Variants in TULP1 observed in about 807,000 individuals in gnomAD.
TULP1 encodes tubby-related protein 1.
Under a neutral mutation model 67.1 loss-of-function variants are expected in TULP1, and 50 were observed. That is an observed-to-expected ratio of 0.75 (90% confidence interval 0.59 to 0.94). The LOEUF (loss-of-function observed/expected upper bound fraction) is 0.94. Among genes scored for constraint, TULP1 ranks in the 40% least tolerant of loss-of-function variants. The probability of loss-of-function intolerance (pLI) is 0.00; values close to 1 mark genes in which losing one functional copy is unlikely to be tolerated. For missense variants in TULP1, 746 were observed against 734.1 expected (o/e 1.02, Z -0.19); for synonymous variants, 297 against 294.0 (o/e 1.01, Z -0.11).
intron 9 of TULP1, 49 bp downstream of exon 9, chr6:35,506,223 TCC>T (rs1761085353): frequency 2.5e-6 from 4 of 1,608,472 alleles, no homozygotes; most frequent in Non-Finnish European, 8.5e-7. Flanking sequence ...GCTCCCCCGC[TCC>T]CAGCAGGTCC....
intron 5 of TULP1, among the ~76,000 whole-genome samples, 195 bp from the exon 6 acceptor site, chr6:35,510,123 G>A (rs955023938): frequency 1.1e-4 from 17 of 151,392 alleles, no homozygotes; most frequent in Non-Finnish European, 1.6e-4. Flanking sequence ...GCAGGATCTC[G>A]GCTCACTGCA....
At chr6:35,510,778 T>A in intron 5 of TULP1, 83 bp downstream of exon 5, 1 of 1,606,158 alleles carries the variant, frequency 6.2e-7, no homozygotes, top group Non-Finnish European at 8.5e-7. Flanking sequence ...CCTCAATCGC[T>A]GTGTCTCAGT....
chr6:35,501,175 TCA>T (rs375852823), intron 13 of TULP1, among the ~76,000 whole-genome samples: 2 of 150,840 alleles, frequency 1.3e-5, no homozygotes, highest in Non-Finnish European at 3.0e-5. Flanking sequence ...CATCTTAAAC[TCA>T]CACACACACA....
intron 13 of TULP1, among the ~76,000 whole-genome samples, chr6:35,500,983 G>A (rs1760944407): frequency 6.8e-6 from 1 of 146,918 alleles, no homozygotes; most frequent in Non-Finnish European, 1.5e-5. Context: ...CTTTCCAGCA[G>A]GGAAGGATGT....
rs771723580 is a variant in TULP1, at chr6:35,509,302, TTTGG to T, written c.725_728del (p.Pro242GlnfsTer16). On this transcript the variant is annotated frameshift_variant, in exon 8 of 15. Coordinates refer to ENST00000229771, the MANE Select transcript of TULP1 (RefSeq NM_003322.6). LOFTEE classifies it high-confidence loss of function. ...CCTCTTCTTCCTCCTTCCTCGCGCC[TTTGG>T]GAGTGCCTGAGCGTGGAGGGGGAAA... 3.7e-6 allele frequency: 6 copies of T among 1,613,882 alleles called. No homozygotes were observed. The highest frequency in any genetic ancestry group is 5.1e-6 in the Non-Finnish European group (6 of 1,179,958).
intron 13 of TULP1, among the ~76,000 whole-genome samples, chr6:35,502,458 C>G (rs565397183): frequency 6.7e-6 from 1 of 150,214 alleles, no homozygotes; most frequent in East Asian, 2.0e-4. Flanking sequence ...TCCCAAAATG[C>G]TGGGGTCACA....
rs763272975 is a variant in TULP1, at chr6:35,505,806, A to C, written c.1047T>G (p.Asn349Lys). 8 of 1,614,026 alleles carry C rather than the reference A, an allele frequency of 5.0e-6. No homozygotes were observed. The South Asian group carries it at 8.8e-5, about 18-fold the overall frequency. The stretch of plus-strand genomic sequence containing the variant: ...TGGTAGGGTCGATGGAGATGAGGTA[A>C]TTGGCTGTCTTGCTCCGTTTTCGTT... The part of the protein sequence containing the change: ...GRKRKRSKTA[N>K]YLISIDPTNL... Residue 349 changes from asparagine (N) to lysine (K), a missense_variant, in exon 11 of 15, where the codon AAT becomes AAG. Physicochemically the swap from Asn to Lys is moderately conservative, Grantham distance 94. This residue lies in a region of TULP1 where 383 missense variants were observed against 374.1 expected (regional missense o/e 1.02). Transcript: ENST00000229771.
intron 3 of TULP1, 53 bp from the exon 4 acceptor site, chr6:35,511,859 A>G (rs887491981): frequency 6.8e-7 from 1 of 1,480,138 alleles, no homozygotes; most frequent in African/African-American, 1.4e-5. Flanking sequence ...TCCGCGAGGC[A>G]GCGCCTCTAC....
At position 35,503,502 on chromosome 6, in the gene TULP1, G is replaced by T. The variant is rs1561814016; in HGVS notation, c.1323+57C>A. On this transcript the variant is annotated intron_variant, in intron 13 of 14. Transcript: ENST00000229771. The surrounding 1 kb of genome is among the most constrained non-coding windows in gnomAD (Gnocchi z 4.0). Reference sequence around the variant, plus strand: ...GGGAGTTGGCTATTTCCTAAGCTGAGCCCCGACTCCTGTTTCTCACATAGG... The same window carrying T: ...GGGAGTTGGCTATTTCCTAAGCTGATCCCCGACTCCTGTTTCTCACATAGG... 2.0e-6 allele frequency: 3 copies of T among 1,516,568 alleles called. No homozygotes were observed. In the Admixed American group the frequency reaches 5.9e-5, roughly 30 times the overall value. The allele number at this position is 1,516,568 out of a possible 1,614,324, so 93.9% of individuals were successfully genotyped here. A position where few individuals can be genotyped will look rare whatever the true frequency, so the allele number is the denominator to read the frequency against.
chr6:35,509,316 A>G lies in TULP1; in HGVS notation c.719-4T>C. ...TTCCTCGCGCCTTTGGGAGTGCCTGAGCGTGGAGGGGGAAACAAGGCTGTG... is the reference window on the plus strand; with the variant it reads ...TTCCTCGCGCCTTTGGGAGTGCCTGGGCGTGGAGGGGGAAACAAGGCTGTG... On this transcript the variant is annotated splice_region_variant and splice_polypyrimidine_tract_variant and intron_variant, in intron 7 of 14. Transcript: ENST00000229771. 1 of 1,613,812 alleles carries G rather than the reference A, an allele frequency of 6.2e-7. No homozygotes were observed. The highest frequency in any genetic ancestry group is 1.1e-5 in the South Asian group (1 of 91,072).
At chr6:35,511,835 G>T (rs1761211671) in intron 3 of TULP1, 29 bp from the exon 4 acceptor site, 2 of 1,506,712 alleles carry the variant, frequency 1.3e-6, no homozygotes, top group Admixed American at 4.3e-5. Flanking sequence ...TTCAGACAGG[G>T]TCCCATCCGC....
Position 35,505,998 on chromosome 6 carries a change from C to A in TULP1, c.999+5G>T. On this transcript the variant is annotated splice_donor_5th_base_variant and intron_variant, in intron 10 of 14. Coordinates refer to ENST00000229771, the MANE Select transcript of TULP1 (RefSeq NM_003322.6). ...CTCCCTCCTCTGCTGCCTCTCCCCA[C>A]CCACCTTCTTCTCCGTGTCCAGGTG... 2 of 1,614,138 alleles carry A rather than the reference C, an allele frequency of 1.2e-6. No individual in the cohort carries two copies. The highest frequency in any genetic ancestry group is 1.7e-6 in the Non-Finnish European group (2 of 1,180,040).
chr6:35,505,503 T>C (rs1761061544), intron 11 of TULP1: 8 of 1,177,104 alleles, frequency 6.8e-6, no homozygotes, highest in Non-Finnish European at 9.5e-6. Context: ...GGCAGCAGTG[T>C]GGGCATCGCC....
At position 35,507,810 on chromosome 6, in the gene TULP1, A is replaced by T. The variant is rs555868664; in HGVS notation, c.822+1399T>A. On this transcript the variant is annotated intron_variant, in intron 8 of 14. Coordinates refer to ENST00000229771, the MANE Select transcript of TULP1 (RefSeq NM_003322.6). ...GATGTGCTGTGGTTGGCCATTTTTT[A>T]AAATTTATTTTTTATTTTTTTGAGA... Among the ~76,000 whole-genome samples the T allele has an allele frequency of 1.2e-3, 182 of 152,144 alleles. 2 individuals are homozygous for T. Among genetic ancestry groups the T allele is most frequent in the African/African-American group, 4.1e-3 (169 of 41,506 alleles).
At position 35,511,017 on chromosome 6, in the gene TULP1, G is replaced by T; in HGVS notation, c.350-7C>A. On this transcript the variant is annotated splice_region_variant and splice_polypyrimidine_tract_variant and intron_variant, in intron 4 of 14. Coordinates refer to ENST00000229771, the MANE Select transcript of TULP1 (RefSeq NM_003322.6). ...TCCTCTTCCTCCTCCTCCTCTGCAG[G>T]TAGAAACTCTTCATAATGGGGGTTT... The T allele has an allele frequency of 1.9e-6, 3 of 1,603,958 alleles. No homozygotes were observed. Among genetic ancestry groups the T allele is most frequent in the Non-Finnish European group, 2.5e-6 (3 of 1,179,978 alleles).
Position 35,500,170 on chromosome 6 carries a change from A to G in TULP1, c.1324-18T>C. The stretch of plus-strand genomic sequence containing the variant: ...TCACTAGCCTGGGGTGCCCCAGGGG[A>G]GTAGACAGGGAGAGGACAGTTAGAG... On this transcript the variant is annotated intron_variant, in intron 13 of 14. Transcript: ENST00000229771. 1.9e-6 allele frequency: 3 copies of G among 1,613,578 alleles called. No individual in the cohort carries two copies. The highest frequency in any genetic ancestry group is 2.5e-6 in the Non-Finnish European group (3 of 1,180,006).
rs114056023 is a variant in TULP1, at chr6:35,510,933, G to C, written c.427C>G (p.Pro143Ala). The change falls in exon 5 of 15, where the codon CCC (proline) becomes GCC (alanine). Residue 143 changes from proline to alanine, a missense_variant. Pro to Ala is a conservative substitution (Grantham distance 27). Around this residue, in one of 3 missense-constraint regions of TULP1, gnomAD observed 359 missense variants for 341.9 expected, o/e 1.05. Transcript: ENST00000229771. ...EEKKEKILLP[P>A]KKPLREKSSA... ...CTCTTCTCTCTCAGGGGCTTCTTGG[G>C]AGGCAGAAGGATTTTCTCTTTCTTT... 1.4e-4 allele frequency: 231 copies of C among 1,613,538 alleles called. No individual in the cohort carries two copies. In the African/African-American group the frequency reaches 2.6e-3, roughly 18 times the overall value.
At chr6:35,512,097 G>C (rs545809489) in intron 3 of TULP1, 83 bp downstream of exon 3, 19,773 of 780,714 alleles carry the variant, frequency 0.025, 375 homozygotes, top group African/African-American at 0.051. Flanking sequence ...TCCAGGGCTC[G>C]GCGACACCCG....
At chr6:35,511,872 G>C in intron 3 of TULP1, 66 bp from the exon 4 acceptor site, 1 of 1,462,310 alleles carries the variant, frequency 6.8e-7, no homozygotes, top group South Asian at 1.4e-5. Context: ...GCCTCTACCC[G>C]CTACCCCCAA....
Sources: gnomAD v4.1 joint callset for allele counts (sites outside exome capture counted in the v4.1 genomes callset) on GRCh38, gnomAD v4.1.1 for gene constraint, gnomAD v4.1.1 regional missense constraint, Gnocchi (gnomAD v3.1) non-coding constraint, MANE v1.5 for transcripts, NCBI Gene and HGNC (gene_info 2026-07-23, HGNC 2026-07-21) for gene names.